Variants in TJP1 observed in about 807,000 individuals in gnomAD.
TJP1 encodes the protein tight junction protein 1, also known as tight junction protein ZO-1.
A neutral mutation model predicts 194.2 loss-of-function variants in TJP1; 43 were observed. That is an observed-to-expected ratio of 0.22 (90% CI 0.17 to 0.29). The LOEUF (loss-of-function observed/expected upper bound fraction) is 0.29, where lower values mean the gene tolerates loss of function less well. Among genes scored for constraint, TJP1 ranks in the 10% least tolerant of loss-of-function variants. The pLI is 1.00. For missense variants in TJP1, 1,971 were observed against 2,185.7 expected, an observed-to-expected ratio of 0.90 and a Z score of 1.96; for synonymous variants, 801 against 779.0, an observed-to-expected ratio of 1.03 and a Z score of -0.47.
chr15:29,797,840 A>G (rs778315174), intron 2 of TJP1, among the ~76,000 whole-genome samples: 1 of 151,960 alleles, frequency 6.6e-6, no homozygotes, highest in Non-Finnish European at 1.5e-5. Flanking sequence ...TAAAATCTCA[A>G]TAATAAGAAA....
At chr15:29,968,846 G>A (rs1365962397) in exon 1 of TJP1, 36 of 740,998 alleles carry the variant, frequency 4.9e-5, no homozygotes, top group Non-Finnish European at 6.1e-5. Context: ...GCATAGATCA[G>A]CTCTGGGCCA....
chr15:29,762,084 T>C (rs2046042713), intron 6 of TJP1, among the ~76,000 whole-genome samples: 1 of 152,222 alleles, frequency 6.6e-6, no homozygotes, highest in African/African-American at 2.4e-5. Flanking sequence ...CTTTTTAATG[T>C]GTAAGAACAG....
At chr15:29,782,161 T>C (rs1477296449) in intron 2 of TJP1, among the ~76,000 whole-genome samples, 4 of 152,138 alleles carry the variant, frequency 2.6e-5, no homozygotes, top group African/African-American at 9.7e-5. Flanking sequence ...ACCACTAGCA[T>C]TCTTATAAAC....
At chr15:29,960,496 G>A (rs1279628354) in intron 1 of TJP1, among the ~76,000 whole-genome samples, 2 of 152,004 alleles carry the variant, frequency 1.3e-5, no homozygotes, top group Middle Eastern at 3.4e-3. Flanking sequence ...CTCGCCAGGC[G>A]GGATTGCACA....
intron 2 of TJP1, among the ~76,000 whole-genome samples, chr15:29,913,126 C>T (rs528487938): frequency 6.6e-6 from 1 of 152,144 alleles, no homozygotes; most frequent in Non-Finnish European, 1.5e-5. Flanking sequence ...GTTCTACAAA[C>T]TCACAGCAGG....
intron 2 of TJP1, among the ~76,000 whole-genome samples, chr15:29,922,509 G>C (rs2054397993): frequency 1.3e-5 from 2 of 152,158 alleles, no homozygotes. Flanking sequence ...AAGTTTCTAA[G>C]AAAATCTTCA....
intron 2 of TJP1, among the ~76,000 whole-genome samples, chr15:29,882,450 T>G (rs1355335583): frequency 1.3e-5 from 2 of 152,214 alleles, no homozygotes; most frequent in Non-Finnish European, 2.9e-5. Context: ...AAAATGATTT[T>G]GTGACTTTCA....
intron 2 of TJP1, among the ~76,000 whole-genome samples, chr15:29,876,646 G>A (rs571503040): frequency 6.6e-6 from 1 of 152,260 alleles, no homozygotes; most frequent in South Asian, 2.1e-4. Flanking sequence ...TCAAAAGATT[G>A]GACATCCCTG....
intron 6 of TJP1, 117 bp from the exon 7 acceptor site, chr15:29,761,886 C>G (rs2046029598): frequency 5.3e-6 from 5 of 943,028 alleles, no homozygotes; most frequent in Non-Finnish European, 7.4e-6. Context: ...AAAATATTCT[C>G]TCTACACTTT....
chr15:29,823,106 C>T (rs1026106646), upstream of TJP1: 5 of 152,286 alleles, frequency 3.3e-5, no homozygotes, highest in East Asian at 1.9e-4. Flanking sequence ...CGGCCCACAC[C>T]CCACATTAGA....
chr15:29,890,701 T>C (rs913534639), intron 2 of TJP1, among the ~76,000 whole-genome samples: 2 of 151,980 alleles, frequency 1.3e-5, no homozygotes, highest in Admixed American at 1.3e-4. Context: ...GATTAGGCTA[T>C]CCTCTAGTCC....
At position 29,928,362 on chromosome 15, in the gene TJP1, T is replaced by G. The variant is rs1003352514; in HGVS notation, c.306+27870A>C. Among the ~76,000 whole-genome samples the G allele has an allele frequency of 2.0e-5, 3 of 152,300 alleles. No homozygotes were observed. In the South Asian group the frequency reaches 6.2e-4, roughly 32 times the overall value. ...ACATCCCAACTATGATGGTTAAAAA[T>G]TTTTTTAAGTGACAACGACAAGTGT... On this transcript the variant is annotated intron_variant, in intron 2 of 28. Coordinates refer to the TJP1 transcript ENST00000356107.
intron 2 of TJP1, among the ~76,000 whole-genome samples, chr15:29,880,368 A>G (rs1267011912): frequency 1.3e-5 from 2 of 152,232 alleles, no homozygotes; most frequent in Non-Finnish European, 2.9e-5. Context: ...GCAAACATCT[A>G]TGATACTATC....
chr15:29,715,556 C>T (rs887205799), intron 23 of TJP1, among the ~76,000 whole-genome samples: 15 of 152,094 alleles, frequency 9.9e-5, no homozygotes, highest in Admixed American at 2.6e-4. Flanking sequence ...CCCAAGCCCA[C>T]GCAACTAAGT....
chr15:29,881,983 C>T (rs2052951103), intron 2 of TJP1, among the ~76,000 whole-genome samples: 1 of 151,506 alleles, frequency 6.6e-6, no homozygotes, highest in South Asian at 2.1e-4. Context: ...TTATTGAGTT[C>T]ATCATTGTTA....
intron 18 of TJP1, among the ~76,000 whole-genome samples, chr15:29,722,265 G>T (rs2042975116): frequency 6.6e-6 from 1 of 152,172 alleles, no homozygotes; most frequent in Non-Finnish European, 1.5e-5. Flanking sequence ...TGGAGGCCTA[G>T]GAGGGAAAAA....
intron 2 of TJP1, among the ~76,000 whole-genome samples, chr15:29,773,882 T>C (rs2046848373): frequency 6.6e-6 from 1 of 152,246 alleles, no homozygotes; most frequent in South Asian, 2.1e-4. Flanking sequence ...ATAGAAGGTG[T>C]ACATTAGCCA....
At chr15:29,743,756 A>C (rs532378796) in intron 8 of TJP1, among the ~76,000 whole-genome samples, 1 of 152,324 alleles carries the variant, frequency 6.6e-6, no homozygotes, top group East Asian at 1.9e-4. Context: ...ACTATAAATC[A>C]ATCAAGACAA....
At chr15:29,934,578 G>C (rs1189298056) in intron 2 of TJP1, among the ~76,000 whole-genome samples, 1 of 152,096 alleles carries the variant, frequency 6.6e-6, no homozygotes, top group Non-Finnish European at 1.5e-5. Context: ...CACTAATGTA[G>C]ACATCCTCTG....
Sources: gnomAD v4.1 joint callset for allele counts (sites outside exome capture counted in the v4.1 genomes callset) on GRCh38, gnomAD v4.1.1 for gene constraint, MANE v1.5 for transcripts, NCBI Gene and HGNC (gene_info 2026-07-23, HGNC 2026-07-21) for gene names.